HSPA4L: variants seen among roughly 807,000 people sequenced by gnomAD.
HSPA4L encodes the protein heat shock 70 kDa protein 4L.
In HSPA4L, 48 loss-of-function variants were observed where a neutral mutation model predicts 100.3. The ratio of observed to expected loss-of-function variants is 0.48; its 90% CI spans 0.38 to 0.61. The LOEUF is 0.61. Ranked by LOEUF, HSPA4L falls within the 20% of genes least tolerant of loss-of-function variation. The probability of loss-of-function intolerance (pLI) is 0.00; values close to 1 mark genes in which losing one functional copy is unlikely to be tolerated. For missense variants in HSPA4L, 886 were observed against 988.6 expected (o/e 0.90, Z 1.39); for synonymous variants, 319 against 328.2 (o/e 0.97, Z 0.30).
rs1209058727 is a variant in HSPA4L, at chr4:127,833,564, T to C, written c.*690T>C. 1 of 152,204 alleles carries C rather than the reference T, an allele frequency of 6.6e-6. No homozygotes were observed. The highest frequency in any genetic ancestry group is 2.4e-5 in the African/African-American group (1 of 41,462). The allele number at this position is 152,204 out of a possible 1,614,324, so 9.4% of individuals were successfully genotyped here. ...CTCGTTGTCTTTTCGCTTGAAATTT[T>C]TGATCTTGTCCTGAAGACTAGCTGC... On this transcript the variant is annotated 3_prime_UTR_variant, in exon 19 of 19. Transcript: ENST00000296464.
chr4:127,832,801 C>A lies in HSPA4L; in HGVS notation c.2447C>A (p.Thr816Asn). The A allele has an allele frequency of 6.2e-6, 10 of 1,613,576 alleles. No individual in the cohort carries two copies. The highest frequency in any genetic ancestry group is 7.6e-6 in the Non-Finnish European group (9 of 1,179,712). The change falls in exon 19 of 19, where the codon ACT becomes AAT. Residue 816 changes from threonine (T) to asparagine (N), a missense_variant. Thr to Asn is a moderately conservative substitution (Grantham distance 65). Coordinates refer to ENST00000296464, the MANE Select transcript of HSPA4L (RefSeq NM_014278.4). Reference protein sequence around the residue: ...HNGPMDGQSGTETKSDSTKDS... With the variant: ...HNGPMDGQSGNETKSDSTKDS... ...GGCCCAATGGATGGACAGAGTGGAA[C>A]TGAAACTAAATCAGATTCAACAAAA...
At chr4:127,818,791 A>C (rs750761597) in intron 13 of HSPA4L, among the ~76,000 whole-genome samples, 2 of 152,038 alleles carry the variant, frequency 1.3e-5, no homozygotes, top group Non-Finnish European at 2.9e-5. Flanking sequence ...TACTAGGCTT[A>C]ATACCTGGGT....
At chr4:127,809,099 G>T in intron 11 of HSPA4L, 1 of 604,294 alleles carries the variant, frequency 1.7e-6, no homozygotes, top group Non-Finnish European at 3.0e-6. Context: ...CGGTCCCGGA[G>T]TTCTTGCATC....
Position 127,834,922 on chromosome 4 carries a change from A to G in HSPA4L, c.*2048A>G, listed in dbSNP as rs1490969279. 2 of 152,160 alleles carry G rather than the reference A, an allele frequency of 1.3e-5. No homozygotes were observed. Among genetic ancestry groups the G allele is most frequent in the African/African-American group, 4.8e-5 (2 of 41,450 alleles). 9.4% of individuals were successfully genotyped at this position (152,160 alleles called of 1,614,324 possible). A position where few individuals can be genotyped will look rare whatever the true frequency, so the allele number is the denominator to read the frequency against. On this transcript the variant is annotated 3_prime_UTR_variant, in exon 19 of 19. Coordinates refer to ENST00000296464, the MANE Select transcript of HSPA4L (RefSeq NM_014278.4). ...TCAGATAGTACCACTAATTTTTGTA[A>G]TTATATAACACTTCATTTAATAACT... is the stretch of plus-strand genomic sequence containing the variant.
In HSPA4L at chr4:127,836,629, C is replaced by T. The variant is rs1734218953; in HGVS notation, c.*3755C>T. ...ATTTAACATAATGTCAGTGTTAAAG[C>T]ACTTAATCCAAATTAGCCCATCTTT... is the stretch of plus-strand genomic sequence containing the variant. On this transcript the variant is annotated 3_prime_UTR_variant, in exon 19 of 19. Transcript: ENST00000296464. 1 of 151,710 alleles carries T rather than the reference C, an allele frequency of 6.6e-6. No individual in the cohort carries two copies. Among genetic ancestry groups the T allele is most frequent in the Admixed American group, 6.6e-5 (1 of 15,230 alleles). 9.4% of individuals were successfully genotyped at this position (151,710 alleles called of 1,614,324 possible).
chr4:127,782,322 A>C lies in HSPA4L; in HGVS notation c.-229A>C. 1.9e-6 allele frequency: 1 copy of C among 525,956 alleles called. No individual in the cohort carries two copies. The highest frequency in any genetic ancestry group is 3.4e-6 in the Non-Finnish European group (1 of 294,712). The allele number at this position is 525,956 out of a possible 1,614,324, so 32.6% of individuals were successfully genotyped here. On this transcript the variant is annotated 5_prime_UTR_variant, in exon 1 of 19. Transcript: ENST00000296464. Reference sequence around the variant, plus strand: ...CGCCGGTTGGAGGCGGCCGAACCGCAGTAGGGAAAGACCCAGGCTGCGGGA... The same window carrying C: ...CGCCGGTTGGAGGCGGCCGAACCGCCGTAGGGAAAGACCCAGGCTGCGGGA...
chr4:127,827,529 T>C (rs1478711194), intron 17 of HSPA4L, 105 bp downstream of exon 17: 16 of 1,277,904 alleles, frequency 1.3e-5, no homozygotes, highest in Non-Finnish European at 1.7e-5. Context: ...GTTGTATCTA[T>C]CAAATTCCAG....
chr4:127,824,955 T>C (rs1435717866), intron 16 of HSPA4L, among the ~76,000 whole-genome samples: 2 of 151,884 alleles, frequency 1.3e-5, no homozygotes, highest in African/African-American at 2.4e-5. Context: ...GCTAACATGG[T>C]GAAACCCTGT....
At chr4:127,799,920 A>G (rs1390158486) in intron 4 of HSPA4L, among the ~76,000 whole-genome samples, 2 of 152,196 alleles carry the variant, frequency 1.3e-5, no homozygotes, top group African/African-American at 2.4e-5. Flanking sequence ...CAAAATTTAT[A>G]TTCTTTTCCT....
Position 127,820,500 on chromosome 4 carries a change from C to A in HSPA4L, c.1747C>A (p.Pro583Thr). ...KKGKVKSIDLPIQSSLCRQLG... is the reference protein window; with the variant it reads ...KKGKVKSIDLTIQSSLCRQLG... Reference sequence around the variant, plus strand: ...AGGAAAAGTCAAAAGTATTGATCTACCGATCCAGAGTAGCCTATGTAGACA... The same window carrying A: ...AGGAAAAGTCAAAAGTATTGATCTAACGATCCAGAGTAGCCTATGTAGACA... The change falls in exon 14 of 19, where the codon CCG (proline) becomes ACG (threonine). Residue 583 changes from proline (P) to threonine (T), a missense_variant. Transcript: ENST00000296464. The A allele has an allele frequency of 6.2e-7, 1 of 1,602,702 alleles. No individual in the cohort carries two copies. Among genetic ancestry groups the A allele is most frequent in the East Asian group, 2.3e-5 (1 of 43,968 alleles).
intron 1 of HSPA4L, among the ~76,000 whole-genome samples, chr4:127,793,265 T>G (rs377333050): frequency 1.3e-5 from 2 of 152,240 alleles, no homozygotes; most frequent in African/African-American, 4.8e-5. Flanking sequence ...AAGTCACCTC[T>G]CTTATCTAGA....
In HSPA4L at chr4:127,805,794, G is replaced by T; in HGVS notation, c.1244+1G>T. On this transcript the variant is annotated splice_donor_variant, in intron 10 of 18. Transcript: ENST00000296464. LOFTEE classifies it high-confidence loss of function. ...AGACCTCTTTTGAAGATGGAAGTGG[G>T]TAAGTTATTTTTAAAACCTTGATTA... is the stretch of plus-strand genomic sequence containing the variant. The T allele has an allele frequency of 6.3e-7, 1 of 1,586,716 alleles. No homozygotes were observed. Among genetic ancestry groups the T allele is most frequent in the Middle Eastern group, 1.7e-4 (1 of 6,008 alleles).
At chr4:127,823,748 T>C in intron 16 of HSPA4L, 124 bp downstream of exon 16, 1 of 615,084 alleles carries the variant, frequency 1.6e-6, no homozygotes, top group Non-Finnish European at 2.9e-6. Flanking sequence ...TTGTATATAT[T>C]TGTGGTGTAC....
At chr4:127,806,470 A>T (rs1256831522) in intron 10 of HSPA4L, among the ~76,000 whole-genome samples, 5 of 152,022 alleles carry the variant, frequency 3.3e-5, no homozygotes, top group Non-Finnish European at 7.4e-5. Context: ...ATTATTCACT[A>T]AAAGGATACT....
chr4:127,819,319 T>C (rs1441412387), intron 13 of HSPA4L, among the ~76,000 whole-genome samples: 1 of 152,158 alleles, frequency 6.6e-6, no homozygotes, highest in African/African-American at 2.4e-5. Flanking sequence ...CTTAAAGCTA[T>C]CATCTTCAAC....
At chr4:127,830,985 A>T (rs1734065983) in intron 18 of HSPA4L, among the ~76,000 whole-genome samples, 186 bp downstream of exon 18, 1 of 152,142 alleles carries the variant, frequency 6.6e-6, no homozygotes. Flanking sequence ...TTTTTCATAT[A>T]CCAGGCTGGT....
At chr4:127,792,565 A>G (rs1279639943) in intron 1 of HSPA4L, among the ~76,000 whole-genome samples, 1 of 152,192 alleles carries the variant, frequency 6.6e-6, no homozygotes, top group Non-Finnish European at 1.5e-5. Context: ...TGAATATTCT[A>G]GTTAATTGAA....
intron 8 of HSPA4L, 68 bp downstream of exon 8, chr4:127,804,155 GATAAA>G: frequency 1.7e-6 from 2 of 1,207,912 alleles, no homozygotes; most frequent in Non-Finnish European, 1.2e-6. Flanking sequence ...GGTAGATAAT[GATAAA>G]ATAAATTTTT....
At chr4:127,794,375 T>C (rs1327462994) in intron 2 of HSPA4L, among the ~76,000 whole-genome samples, 3 of 152,062 alleles carry the variant, frequency 2.0e-5, no homozygotes, top group Admixed American at 2.0e-4. Flanking sequence ...TGTGCTACTA[T>C]GTGACATCAA....
Sources: allele counts gnomAD v4.1 joint callset (sites outside exome capture counted in the v4.1 genomes callset), GRCh38; gene constraint gnomAD v4.1.1; transcripts MANE v1.5; gene names NCBI Gene and HGNC (gene_info 2026-07-23, HGNC 2026-07-21).